THSD4: variants seen among roughly 807,000 people sequenced by gnomAD.
The protein encoded by THSD4 is thrombospondin type-1 domain-containing protein 4.
Under a neutral mutation model 119.0 loss-of-function variants are expected in THSD4, and 69 were observed. The observed-to-expected ratio is 0.58, with a 90% confidence interval of 0.48 to 0.71. The LOEUF is 0.71. Among genes scored for constraint, THSD4 ranks in the 30% least tolerant of loss-of-function variants. THSD4 has a pLI of 0.00. For synonymous variants in THSD4, 524 were observed against 540.4 expected (o/e 0.97, Z 0.42); for missense variants, 1,393 against 1,391.1 (o/e 1.00, Z -0.02).
At chr15:71,520,839 A>G (rs527582667) in intron 7 of THSD4, among the ~76,000 whole-genome samples, 2 of 152,270 alleles carry the variant, frequency 1.3e-5, no homozygotes, top group Admixed American at 6.5e-5. Context: ...CTGACACCAG[A>G]GGTTATAGCC....
intron 6 of THSD4, among the ~76,000 whole-genome samples, chr15:71,294,503 C>T (rs544736980): frequency 2.7e-4 from 41 of 152,140 alleles, no homozygotes; most frequent in Non-Finnish European, 5.4e-4. Context: ...GGGATACCAG[C>T]GTTCACATTT....
chr15:71,145,606 AT>A (rs975234196), intron 2 of THSD4, among the ~76,000 whole-genome samples: 1 of 152,218 alleles, frequency 6.6e-6, no homozygotes, highest in Non-Finnish European at 1.5e-5. Flanking sequence ...CTTAGGAGTA[AT>A]TGAAAAAGAT....
At chr15:71,682,349 A>G (rs2051798538) in intron 8 of THSD4, among the ~76,000 whole-genome samples, 1 of 152,230 alleles carries the variant, frequency 6.6e-6, no homozygotes, top group Admixed American at 6.5e-5. Context: ...CAGCTTGATG[A>G]ATTTTCACAA....
rs1020368418 is a variant in THSD4 at position 71,367,005 on chromosome 15, T to C, written c.1016-44682T>C. Among the ~76,000 whole-genome samples the C allele has an allele frequency of 2.0e-5, 3 of 152,342 alleles. No homozygotes were observed. In the South Asian group the frequency reaches 6.2e-4, roughly 32 times the overall value. On this transcript the variant is annotated intron_variant, in intron 6 of 17. Transcript: ENST00000261862. ...TTTCAAGCTCCATTTTCTCAAAACATATTCCATCTTCTGTGTGAACAAGGG... is the reference window on the plus strand; with the variant it reads ...TTTCAAGCTCCATTTTCTCAAAACACATTCCATCTTCTGTGTGAACAAGGG...
intron 8 of THSD4, among the ~76,000 whole-genome samples, chr15:71,706,476 T>A (rs2052394859): frequency 6.6e-6 from 1 of 152,058 alleles, no homozygotes; most frequent in Non-Finnish European, 1.5e-5. Flanking sequence ...ACAAAAGATA[T>A]AAATTGTGGA....
chr15:71,319,784 G>A (rs898735220), intron 6 of THSD4, among the ~76,000 whole-genome samples: 2 of 152,126 alleles, frequency 1.3e-5, no homozygotes, highest in African/African-American at 4.8e-5. Context: ...GTGCTGCCCT[G>A]TTAAAAGTCA....
intron 8 of THSD4, among the ~76,000 whole-genome samples, chr15:71,673,220 G>A (rs377723865): frequency 6.6e-6 from 1 of 151,942 alleles, no homozygotes; most frequent in African/African-American, 2.4e-5. Flanking sequence ...GTCTTGGGAG[G>A]GTGTATGTGT....
chr15:71,559,200 G>C (rs1595884564), intron 7 of THSD4, among the ~76,000 whole-genome samples: 3 of 152,260 alleles, frequency 2.0e-5, no homozygotes, highest in Admixed American at 6.5e-5. Flanking sequence ...GGCCTGTGGA[G>C]GGGTGGGGCA....
intron 8 of THSD4, among the ~76,000 whole-genome samples, chr15:71,717,732 A>G (rs2141105603): frequency 6.6e-6 from 1 of 152,284 alleles, no homozygotes; most frequent in Admixed American, 6.5e-5. Context: ...GGGGCCATTA[A>G]GTGACTGGCC....
chr15:71,581,875 C>A (rs2049566181), intron 7 of THSD4, among the ~76,000 whole-genome samples: 1 of 152,140 alleles, frequency 6.6e-6, no homozygotes, highest in Admixed American at 6.6e-5. Flanking sequence ...GTCTATAAGT[C>A]TGTTTCTTAT....
At chr15:71,167,762 T>A (rs892322844) in intron 3 of THSD4, among the ~76,000 whole-genome samples, 1 of 152,202 alleles carries the variant, frequency 6.6e-6, no homozygotes, top group African/African-American at 2.4e-5. Context: ...TACACTGTAG[T>A]TTAGTATGTA....
At chr15:71,760,314 A>G (rs1486330877) in intron 15 of THSD4, among the ~76,000 whole-genome samples, 1 of 152,224 alleles carries the variant, frequency 6.6e-6, no homozygotes, top group Admixed American at 6.5e-5. Flanking sequence ...TTGTGCAAAA[A>G]GCCAGTCTGA....
chr15:71,434,873 AC>A (rs1462310012), intron 7 of THSD4, among the ~76,000 whole-genome samples: 1 of 152,180 alleles, frequency 6.6e-6, no homozygotes, highest in Non-Finnish European at 1.5e-5. Context: ...TTTTTAAAAA[AC>A]TAAAAGCATC....
chr15:71,239,874 AC>A, intron 4 of THSD4, among the ~76,000 whole-genome samples: 1 of 152,236 alleles, frequency 6.6e-6, no homozygotes, highest in East Asian at 1.9e-4. Flanking sequence ...TGTAAGGAAA[AC>A]AAACGTTCTC....
chr15:71,266,473 A>G (rs1242344306), intron 6 of THSD4, among the ~76,000 whole-genome samples: 3 of 152,172 alleles, frequency 2.0e-5, no homozygotes, highest in African/African-American at 7.2e-5. Context: ...ACATCAAAGA[A>G]CAAAGGTAGA....
At chr15:71,097,837 C>G (rs923322499) in intron 1 of THSD4, among the ~76,000 whole-genome samples, 1 of 151,660 alleles carries the variant, frequency 6.6e-6, no homozygotes, top group Non-Finnish European at 1.5e-5. Context: ...TTACACTGAT[C>G]ACTGTCGTGT....
At chr15:71,676,432 C>G (rs943757782) in intron 8 of THSD4, among the ~76,000 whole-genome samples, 1 of 152,104 alleles carries the variant, frequency 6.6e-6, no homozygotes, top group African/African-American at 2.4e-5. Flanking sequence ...CAGGCATGCA[C>G]CACCATGCCT....
chr15:71,212,077 G>A (rs1446730574), intron 3 of THSD4, among the ~76,000 whole-genome samples: 3 of 152,146 alleles, frequency 2.0e-5, no homozygotes, highest in Non-Finnish European at 4.4e-5. Flanking sequence ...GGGAGGCTGG[G>A]TGGTCAATGC....
chr15:71,711,664 A>G (rs2141092999), intron 8 of THSD4, among the ~76,000 whole-genome samples: 1 of 53,218 alleles, frequency 1.9e-5, no homozygotes, highest in Middle Eastern at 9.1e-3. Flanking sequence ...AATCCACTCT[A>G]AAGGTAATGA....
Sources: gnomAD v4.1 joint callset for allele counts (sites outside exome capture counted in the v4.1 genomes callset) on GRCh38, gnomAD v4.1.1 for gene constraint, MANE v1.5 for transcripts, NCBI Gene and HGNC (gene_info 2026-07-23, HGNC 2026-07-21) for gene names.